Variants in AMOTL1 observed in about 807,000 individuals in gnomAD.
The protein encoded by AMOTL1 is angiomotin like 1.
In AMOTL1, 45 loss-of-function variants were observed where a neutral mutation model predicts 102.9. The observed-to-expected ratio is 0.44, with a 90% CI of 0.34 to 0.56. AMOTL1 has a LOEUF of 0.56. Among genes scored for constraint, AMOTL1 ranks in the 20% least tolerant of loss-of-function variants. The pLI, the probability that AMOTL1 is intolerant of heterozygous loss-of-function variation, is 0.01. For synonymous variants in AMOTL1, 481 were observed against 484.7 expected (o/e 0.99, Z 0.10); for missense variants, 1,114 against 1,225.6 (o/e 0.91, Z 1.36).
chr11:94,794,286 T>C (rs937192480), intron 1 of AMOTL1, among the ~76,000 whole-genome samples: 1 of 152,232 alleles, frequency 6.6e-6, no homozygotes, highest in African/African-American at 2.4e-5. Flanking sequence ...CCCGTCCTGC[T>C]GAATGTTCCC....
chr11:94,707,577 A>G (rs987599002), intron 1 of AMOTL1, among the ~76,000 whole-genome samples: 1 of 152,194 alleles, frequency 6.6e-6, no homozygotes, highest in African/African-American at 2.4e-5. Flanking sequence ...TACAGGGAGC[A>G]AAGACTCATT....
chr11:94,716,675 G>T (rs1476126627), intron 1 of AMOTL1, among the ~76,000 whole-genome samples: 7 of 152,204 alleles, frequency 4.6e-5, no homozygotes, highest in African/African-American at 1.7e-4. Flanking sequence ...AGGAAGGGAC[G>T]GGTCCTGTTC....
At chr11:94,780,991 T>A (rs746525283) in intron 1 of AMOTL1, among the ~76,000 whole-genome samples, 4 of 152,156 alleles carry the variant, frequency 2.6e-5, no homozygotes, top group Non-Finnish European at 5.9e-5. Context: ...CTTGACAACA[T>A]CATTCTCTTT....
intron 6 of AMOTL1, among the ~76,000 whole-genome samples, chr11:94,836,655 C>A (rs930316661): frequency 1.3e-5 from 2 of 152,072 alleles, no homozygotes; most frequent in South Asian, 2.1e-4. Flanking sequence ...CCAGGTAATC[C>A]TCTGTTATTT....
chr11:94,866,299 G>C (rs965610014), intron 11 of AMOTL1, 131 bp downstream of exon 11: 2 of 868,704 alleles, frequency 2.3e-6, no homozygotes, highest in African/African-American at 3.4e-5. Context: ...AGTGGGGAGG[G>C]AAATCAGTCA....
chr11:94,738,596 A>G (rs184151409), intron 2 of AMOTL1, among the ~76,000 whole-genome samples: 1 of 152,170 alleles, frequency 6.6e-6, no homozygotes, highest in African/African-American at 2.4e-5. Context: ...CTGGGTGTAG[A>G]TGGAAAGAAG....
At chr11:94,713,535 GTCT>G (rs1193754034) in intron 1 of AMOTL1, among the ~76,000 whole-genome samples, 1 of 151,456 alleles carries the variant, frequency 6.6e-6, no homozygotes, top group East Asian at 1.9e-4. Flanking sequence ...ACTTATGTGA[GTCT>G]TCTTTGTTTT....
chr11:94,818,152 G>A (rs1186071888), intron 3 of AMOTL1, among the ~76,000 whole-genome samples: 3 of 152,150 alleles, frequency 2.0e-5, no homozygotes, highest in African/African-American at 7.2e-5. Context: ...TTTTACCAAG[G>A]CTTTCATTGG....
chr11:94,741,202 G>T (rs1442709181), intron 3 of AMOTL1, among the ~76,000 whole-genome samples: 1 of 151,904 alleles, frequency 6.6e-6, no homozygotes, highest in Non-Finnish European at 1.5e-5. Flanking sequence ...CCAATGAGCC[G>T]TGCGTGTGTG....
At chr11:94,717,257 G>A (rs12787940) in intron 1 of AMOTL1, among the ~76,000 whole-genome samples, 3,553 of 151,002 alleles carry the variant, frequency 0.024, 84 homozygotes, top group East Asian at 0.1. Context: ...GTAAAAGTGA[G>A]TCTGTAACAT....
intron 4 of AMOTL1, among the ~76,000 whole-genome samples, chr11:94,829,627 T>C (rs992337967): frequency 5.9e-5 from 9 of 152,238 alleles, no homozygotes; most frequent in Non-Finnish European, 1.3e-4. Flanking sequence ...GAAAGTGCAC[T>C]GTACTTGGAG....
At chr11:94,759,542 G>A (rs373071067) in intron 3 of AMOTL1, among the ~76,000 whole-genome samples, 4 of 142,152 alleles carry the variant, frequency 2.8e-5, no homozygotes, top group East Asian at 2.1e-4. Flanking sequence ...ATACCTTGAC[G>A]CAGAGTGAAG....
intron 3 of AMOTL1, among the ~76,000 whole-genome samples, chr11:94,819,952 A>G (rs1951834741): frequency 6.6e-6 from 1 of 152,176 alleles, no homozygotes; most frequent in South Asian, 2.1e-4. Flanking sequence ...CGGGGATGGA[A>G]ATTCATGATC....
intron 4 of AMOTL1, among the ~76,000 whole-genome samples, chr11:94,825,776 C>T (rs1182448445): frequency 6.6e-6 from 1 of 152,222 alleles, no homozygotes; most frequent in Non-Finnish European, 1.5e-5. Flanking sequence ...TGGTTTTACT[C>T]TGAAGCAGTG....
intron 3 of AMOTL1, among the ~76,000 whole-genome samples, chr11:94,807,542 A>G (rs941620548): frequency 5.3e-5 from 8 of 152,198 alleles, no homozygotes; most frequent in African/African-American, 1.7e-4. Flanking sequence ...ACAGAAAACT[A>G]TCAAGAGTAG....
At chr11:94,745,439 A>G (rs1324273986) in intron 3 of AMOTL1, among the ~76,000 whole-genome samples, 2 of 152,216 alleles carry the variant, frequency 1.3e-5, no homozygotes, top group African/African-American at 4.8e-5. Context: ...GGTATTTATT[A>G]TGAATAAAAA....
chr11:94,788,658 C>G (rs1460946350), intron 1 of AMOTL1, among the ~76,000 whole-genome samples: 1 of 152,194 alleles, frequency 6.6e-6, no homozygotes, highest in Non-Finnish European at 1.5e-5. Flanking sequence ...GCACGTTGGT[C>G]TCTGGAACCA....
intron 3 of AMOTL1, among the ~76,000 whole-genome samples, chr11:94,817,886 A>G (rs1394360484): frequency 1.3e-5 from 2 of 152,112 alleles, no homozygotes; most frequent in African/African-American, 4.8e-5. Flanking sequence ...CTTTTTTATG[A>G]CTTTGTTTGG....
chr11:94,826,018 C>T (rs1951955661), intron 4 of AMOTL1, among the ~76,000 whole-genome samples: 1 of 152,300 alleles, frequency 6.6e-6, no homozygotes, highest in East Asian at 1.9e-4. Flanking sequence ...GGTGTGGTGG[C>T]TCACCCCTGT....
Sources: allele counts gnomAD v4.1 joint callset (sites outside exome capture counted in the v4.1 genomes callset), GRCh38; gene constraint gnomAD v4.1.1; transcripts MANE v1.5; gene names NCBI Gene and HGNC (gene_info 2026-07-23, HGNC 2026-07-21).